The following REEP1 variants were observed in gnomAD, a reference collection of about 807,000 sequenced individuals.
REEP1 encodes the protein receptor expression-enhancing protein 1.
Under a neutral mutation model 40.3 loss-of-function variants are expected in REEP1, and 22 were observed. The observed-to-expected ratio is 0.55, with a 90% CI of 0.39 to 0.78. The LOEUF (loss-of-function observed/expected upper bound fraction) is 0.78. Among genes scored for constraint, REEP1 ranks in the 30% least tolerant of loss-of-function variants. The pLI, the probability that REEP1 is intolerant of heterozygous loss-of-function variation, is 0.00. For missense variants in REEP1, 280 were observed against 361.1 expected (o/e 0.78, Z 1.82); for synonymous variants, 116 against 139.2 (o/e 0.83, Z 1.17).
chr2:86,318,729 G>A (rs894473295), intron 1 of REEP1, among the ~76,000 whole-genome samples: 5 of 152,116 alleles, frequency 3.3e-5, no homozygotes, highest in Non-Finnish European at 5.9e-5. Flanking sequence ...CACTGGTATA[G>A]GAGAGTAATC....
intron 5 of REEP1, among the ~76,000 whole-genome samples, chr2:86,242,226 G>C (rs1675705554): frequency 6.6e-6 from 1 of 152,202 alleles, no homozygotes; most frequent in African/African-American, 2.4e-5. Context: ...AAGAAGCGAG[G>C]TTCACAGAGG....
chr2:86,304,779 G>A (rs1006888369), intron 1 of REEP1, among the ~76,000 whole-genome samples: 3 of 152,180 alleles, frequency 2.0e-5, no homozygotes, highest in Admixed American at 6.5e-5. Context: ...GAGGTGATGT[G>A]ACCAAAGTTG....
At chr2:86,261,907 GC>G (rs1167755544) in intron 3 of REEP1, among the ~76,000 whole-genome samples, 3 of 152,252 alleles carry the variant, frequency 2.0e-5, no homozygotes, top group Admixed American at 1.3e-4. Flanking sequence ...CATGCGGGCA[GC>G]AATACTGCTT....
chr2:86,226,926 C>T (rs773170470), intron 7 of REEP1, among the ~76,000 whole-genome samples: 1 of 152,136 alleles, frequency 6.6e-6, no homozygotes, highest in Non-Finnish European at 1.5e-5. Flanking sequence ...ACTTCAAAAC[C>T]TAGGACAGAA....
At chr2:86,275,174 G>C (rs528710356) in intron 2 of REEP1, among the ~76,000 whole-genome samples, 1 of 152,248 alleles carries the variant, frequency 6.6e-6, no homozygotes, top group South Asian at 2.1e-4. Flanking sequence ...CTTTACAGAT[G>C]ACTCTGCACC....
At chr2:86,333,205 A>G (rs912105107) in intron 1 of REEP1, among the ~76,000 whole-genome samples, 2 of 152,204 alleles carry the variant, frequency 1.3e-5, no homozygotes, top group African/African-American at 2.4e-5. Context: ...GCTAGCTTAT[A>G]TTTAAGGATT....
intron 1 of REEP1, among the ~76,000 whole-genome samples, chr2:86,298,446 A>C (rs527980578): frequency 3.0e-4 from 45 of 152,360 alleles, no homozygotes; most frequent in African/African-American, 1.1e-3. Context: ...AGTGCCTACC[A>C]GTATGGGTGT....
chr2:86,269,960 A>G lies in REEP1; in HGVS notation c.106-5919T>C, dbSNP rs572148001. ...GATACAGGACTTGTATTCAACATAT[A>G]CAAAGAACTCTTAAAACTCAACAAT... On this transcript the variant is annotated intron_variant, in intron 2 of 8. Coordinates refer to ENST00000538924, the MANE Select transcript of REEP1 (RefSeq NM_001371279.1). 1.8e-4 allele frequency among the ~76,000 whole-genome samples: 27 copies of G among 152,330 alleles called. 1 individual carries two copies. Among genetic ancestry groups the G allele is most frequent in the Middle Eastern group, 3.4e-3 (1 of 294 alleles).
At chr2:86,219,882 C>G (rs1674326381) in intron 8 of REEP1, 88 bp downstream of exon 8, 1 of 1,083,898 alleles carries the variant, frequency 9.2e-7, no homozygotes, top group Non-Finnish European at 1.2e-6. Context: ...GTTGGTGCCC[C>G]AAGAGATGCT....
chr2:86,234,553 A>C (rs985450880), intron 5 of REEP1, among the ~76,000 whole-genome samples: 1 of 152,182 alleles, frequency 6.6e-6, no homozygotes, highest in Non-Finnish European at 1.5e-5. Context: ...TGCCAGACTA[A>C]AAGCAAGATG....
intron 5 of REEP1, among the ~76,000 whole-genome samples, chr2:86,238,433 T>C (rs752793067): frequency 5.3e-5 from 8 of 152,214 alleles, no homozygotes; most frequent in Non-Finnish European, 1.2e-4. Flanking sequence ...CACAATGATA[T>C]TTAAATATTG....
intron 5 of REEP1, among the ~76,000 whole-genome samples, chr2:86,235,547 G>A (rs1375640676): frequency 6.6e-6 from 1 of 152,168 alleles, no homozygotes; most frequent in Non-Finnish European, 1.5e-5. Context: ...AGACACAAAG[G>A]TTGCTATTGA....
rs111775370 is a variant in REEP1 at position 86,297,378 on chromosome 2, G to A, written c.33-15136C>T. On this transcript the variant is annotated intron_variant, in intron 1 of 8. Transcript: ENST00000538924. Reference sequence around the variant, plus strand: ...TCCTCTGCAAAATGTGGTGTCAAATGGGATAATATACGTTATGATACTTGA... The same window carrying A: ...TCCTCTGCAAAATGTGGTGTCAAATAGGATAATATACGTTATGATACTTGA... Among the ~76,000 whole-genome samples the A allele has an allele frequency of 7.7e-4, 118 of 152,340 alleles. No individual in the cohort carries two copies. In the Middle Eastern group the frequency reaches 0.01, roughly 13 times the overall value.
At chr2:86,336,277 G>A (rs1681026264) in intron 1 of REEP1, among the ~76,000 whole-genome samples, 1 of 152,200 alleles carries the variant, frequency 6.6e-6, no homozygotes, top group Admixed American at 6.5e-5. Context: ...TGACTTGGGG[G>A]CTGAGAGGCA....
At chr2:86,262,989 T>C (rs1295292421) in intron 3 of REEP1, among the ~76,000 whole-genome samples, 1 of 152,196 alleles carries the variant, frequency 6.6e-6, no homozygotes, top group Non-Finnish European at 1.5e-5. Context: ...GAGAAAAATA[T>C]GGGTATCAAC....
chr2:86,312,130 C>T (rs1053104848), intron 1 of REEP1, among the ~76,000 whole-genome samples: 1 of 152,196 alleles, frequency 6.6e-6, no homozygotes, highest in African/African-American at 2.4e-5. Flanking sequence ...GACAAACCCT[C>T]ACCAGCTCAC....
chr2:86,312,155 A>G (rs1679794188), intron 1 of REEP1, among the ~76,000 whole-genome samples: 1 of 152,174 alleles, frequency 6.6e-6, no homozygotes, highest in Non-Finnish European at 1.5e-5. Flanking sequence ...GCCTGAAAGC[A>G]AAGTTCTGTA....
intron 1 of REEP1, among the ~76,000 whole-genome samples, chr2:86,289,318 T>C (rs1453361465): frequency 6.6e-6 from 1 of 152,234 alleles, no homozygotes; most frequent in Non-Finnish European, 1.5e-5. Flanking sequence ...CCGTCATACA[T>C]AAAGTTTCCA....
At chr2:86,235,703 G>A (rs115454130) in intron 5 of REEP1, among the ~76,000 whole-genome samples, 4,392 of 152,228 alleles carry the variant, frequency 0.029, 179 homozygotes, top group African/African-American at 0.099. Flanking sequence ...AGCAGGCATC[G>A]TACACGTTCA....
Sources: gnomAD v4.1 joint callset for allele counts (sites outside exome capture counted in the v4.1 genomes callset) on GRCh38, gnomAD v4.1.1 for gene constraint, MANE v1.5 for transcripts, NCBI Gene and HGNC (gene_info 2026-07-23, HGNC 2026-07-21) for gene names.